Variants in FBXO4 observed in about 807,000 individuals in gnomAD.
The protein encoded by FBXO4 is F-box protein 4, also known as F-box only protein 4.
A neutral mutation model predicts 43.7 loss-of-function variants in FBXO4; 36 were observed. The observed-to-expected ratio is 0.82, with a 90% CI of 0.63 to 1.09. The LOEUF (loss-of-function observed/expected upper bound fraction) is 1.09. FBXO4 is among the 50% of genes least tolerant of loss of function. FBXO4 has a pLI of 0.00. For missense variants in FBXO4, 435 were observed against 474.1 expected (o/e 0.92, Z 0.77); for synonymous variants, 180 against 165.6 (o/e 1.09, Z -0.67).
chr5:41,975,172 C>G, the FBXO4 span, among the ~76,000 whole-genome samples: 1 of 152,206 alleles, frequency 6.6e-6, no homozygotes, highest in Non-Finnish European at 1.5e-5. Flanking sequence ...CTAGCCCACA[C>G]TTAGCTTCTA....
the FBXO4 span, among the ~76,000 whole-genome samples, chr5:42,018,712 C>T: frequency 3.3e-5 from 5 of 152,032 alleles, no homozygotes; most frequent in Non-Finnish European, 7.4e-5. Context: ...TTACCTTTTT[C>T]CCCCAAAAGC....
chr5:41,984,519 G>C, the FBXO4 span, among the ~76,000 whole-genome samples: 1 of 152,242 alleles, frequency 6.6e-6, no homozygotes, highest in African/African-American at 2.4e-5. Context: ...ATACTCTTGG[G>C]CTTTGGATCA....
chr5:42,039,702 G>A, the FBXO4 span, among the ~76,000 whole-genome samples: 1 of 152,098 alleles, frequency 6.6e-6, no homozygotes, highest in Admixed American at 6.6e-5. Flanking sequence ...AGATGGGATA[G>A]TACTTCCGTG....
At chr5:41,930,637 G>A (rs995898154) in intron 3 of FBXO4, among the ~76,000 whole-genome samples, 2 of 151,756 alleles carry the variant, frequency 1.3e-5, no homozygotes, top group African/African-American at 4.8e-5. Flanking sequence ...TCCAGGCAGC[G>A]AGAACTACAT....
At chr5:41,961,935 C>T in the FBXO4 span, among the ~76,000 whole-genome samples, 2 of 152,304 alleles carry the variant, frequency 1.3e-5, no homozygotes, top group East Asian at 1.9e-4. Context: ...TGTCTTTCTT[C>T]TTTGTTCCTT....
At chr5:42,039,513 A>G in the FBXO4 span, among the ~76,000 whole-genome samples, 47 of 152,074 alleles carry the variant, frequency 3.1e-4, no homozygotes, top group African/African-American at 1.1e-3. Context: ...TCTGTCAGTA[A>G]TGTTCTTCCC....
the FBXO4 span, among the ~76,000 whole-genome samples, chr5:42,029,024 C>T: frequency 6.6e-6 from 1 of 151,984 alleles, no homozygotes; most frequent in Non-Finnish European, 1.5e-5. Context: ...TGCATGCTTA[C>T]TATTACCAGT....
chr5:41,992,930 A>C, the FBXO4 span, among the ~76,000 whole-genome samples: 6 of 152,244 alleles, frequency 3.9e-5, no homozygotes, highest in African/African-American at 9.6e-5. Flanking sequence ...AAATAAATGC[A>C]TTCTTCAACT....
chr5:42,039,573 C>A, the FBXO4 span, among the ~76,000 whole-genome samples: 1 of 152,072 alleles, frequency 6.6e-6, no homozygotes, highest in Non-Finnish European at 1.5e-5. Context: ...ACTCCTATAA[C>A]CTCTGGTGAC....
chr5:41,972,964 A>C, the FBXO4 span, among the ~76,000 whole-genome samples: 1 of 152,174 alleles, frequency 6.6e-6, no homozygotes, highest in Admixed American at 6.5e-5. Context: ...AAACTATAAA[A>C]ACCCCAAGAA....
chr5:41,964,592 G>GTTT, the FBXO4 span, among the ~76,000 whole-genome samples: 16 of 135,714 alleles, frequency 1.2e-4, no homozygotes, highest in Admixed American at 8.0e-4. Flanking sequence ...CAAGCCAAGT[G>GTTT]TTTTTTTTTT....
chr5:41,990,827 G>T, the FBXO4 span, among the ~76,000 whole-genome samples: 2 of 152,094 alleles, frequency 1.3e-5, no homozygotes, highest in East Asian at 1.9e-4. Flanking sequence ...ATTAGGCCAG[G>T]CAACTTCTTT....
the FBXO4 span, among the ~76,000 whole-genome samples, chr5:41,981,534 C>T: frequency 6.6e-6 from 1 of 151,392 alleles, no homozygotes; most frequent in Non-Finnish European, 1.5e-5. Flanking sequence ...TGTATTATTT[C>T]TATAACGTAT....
At chr5:41,969,626 G>C in the FBXO4 span, among the ~76,000 whole-genome samples, 5 of 152,140 alleles carry the variant, frequency 3.3e-5, no homozygotes, top group African/African-American at 1.2e-4. Context: ...GATGTTGACA[G>C]TTTTTGATTA....
chr5:41,972,377 A>G, the FBXO4 span, among the ~76,000 whole-genome samples: 1 of 152,142 alleles, frequency 6.6e-6, no homozygotes, highest in Non-Finnish European at 1.5e-5. Context: ...GTACCTAGGA[A>G]TATAGCTAAC....
the FBXO4 span, among the ~76,000 whole-genome samples, chr5:41,971,889 C>A: frequency 6.6e-6 from 1 of 152,060 alleles, no homozygotes; most frequent in Non-Finnish European, 1.5e-5. Flanking sequence ...TGCACATCTT[C>A]TTTCTACTCT....
the FBXO4 span, among the ~76,000 whole-genome samples, chr5:42,015,457 C>A: frequency 3.3e-5 from 5 of 152,160 alleles, no homozygotes; most frequent in Admixed American, 2.0e-4. Flanking sequence ...GGGACTTTGT[C>A]TTCTTCCCCA....
At chr5:41,993,277 C>T in the FBXO4 span, among the ~76,000 whole-genome samples, 118 of 152,062 alleles carry the variant, frequency 7.8e-4, 1 homozygote, top group African/African-American at 2.7e-3. Flanking sequence ...TTTTATATTT[C>T]TGCATGAAGT....
chr5:42,024,127 A>C, the FBXO4 span, among the ~76,000 whole-genome samples: 14 of 152,056 alleles, frequency 9.2e-5, no homozygotes, highest in Non-Finnish European at 1.9e-4. Context: ...TAGCCTTCAC[A>C]GCCTTCTGAG....
Sources: allele counts gnomAD v4.1 joint callset (sites outside exome capture counted in the v4.1 genomes callset), GRCh38; gene constraint gnomAD v4.1.1; transcripts MANE v1.5; gene names NCBI Gene and HGNC (gene_info 2026-07-23, HGNC 2026-07-21).